Variants in CNPY2 observed in about 807,000 individuals in gnomAD.
The protein encoded by CNPY2 is protein canopy homolog 2.
CNPY2 carries 19 observed loss-of-function variants against 25.5 expected under a neutral mutation model. The observed-to-expected ratio is 0.74, with a 90% confidence interval of 0.52 to 1.09. The LOEUF is 1.09. Among genes scored for constraint, CNPY2 ranks in the 50% least tolerant of loss-of-function variants. The pLI is 0.00. For synonymous variants in CNPY2, 82 were observed against 85.0 expected (o/e 0.96, Z 0.19); for missense variants, 214 against 233.6 (o/e 0.92, Z 0.55).
At chr12:56,311,697 A>G (rs1592420846) in intron 3 of CNPY2, 1 of 395,416 alleles carries the variant, frequency 2.5e-6, no homozygotes, top group Non-Finnish European at 4.8e-6. Context: ...GACTACAGGC[A>G]TGCACCACCA....
At chr12:56,314,781 C>T (rs1403192463) in intron 3 of CNPY2, 70 bp downstream of exon 3, 1 of 1,611,948 alleles carries the variant, frequency 6.2e-7, no homozygotes, top group Admixed American at 1.7e-5. Flanking sequence ...AACCAAGGTC[C>T]TTTTTAAGCA....
In CNPY2 at chr12:56,310,972, CAA is replaced by C. The variant is rs751424451; in HGVS notation, c.489_490del (p.Cys164GlnfsTer2). ...GGGCAGCTTACCTGTTCGCTTACTG[CAA>C]AGTTTGTCTTTAACATTGTCAGCCT... On this transcript the variant is annotated frameshift_variant, in exon 5 of 6. Transcript: ENST00000273308. LOFTEE classifies it high-confidence loss of function. 1 of 1,614,090 alleles carries C rather than the reference CAA, an allele frequency of 6.2e-7. No individual in the cohort carries two copies. The highest frequency in any genetic ancestry group is 1.1e-5 in the South Asian group (1 of 91,074).
Position 56,311,045 on chromosome 12 carries a change from T to C in CNPY2, c.418A>G (p.Ile140Val). The change falls in exon 5 of 6, where the codon ATT becomes GTT. Residue 140 changes from isoleucine to valine, a missense_variant. Transcript: ENST00000273308. The part of the protein sequence containing the change: ...SGTLKFACES[I>V]VEEYEDELIE... ...AGTTCATCCTCGTATTCCTCCACAA[T>C]GCTCTCACACTGCCAACCCAAGGGA... The C allele has an allele frequency of 6.2e-7, 1 of 1,614,126 alleles. No homozygotes were observed. Among genetic ancestry groups the C allele is most frequent in the Non-Finnish European group, 8.5e-7 (1 of 1,180,010 alleles).
rs1371909467 is a variant in CNPY2 at position 56,315,385 on chromosome 12, G to A, written c.-25-143C>T. 13 of 617,188 alleles carry A rather than the reference G, an allele frequency of 2.1e-5. No individual in the cohort carries two copies. The Admixed American group carries it at 3.2e-4, about 15-fold the overall frequency. 38.2% of individuals were successfully genotyped at this position (617,188 alleles called of 1,614,324 possible). A position where few individuals can be genotyped will look rare whatever the true frequency, so the allele number is the denominator to read the frequency against. ...CAGGAAATGGCCGGGACACAAAGGG[G>A]CTTCTCTGTTCCAGCGCTTGAGGGC... On this transcript the variant is annotated intron_variant, in intron 1 of 5. Transcript: ENST00000273308.
chr12:56,315,139 G>A lies in CNPY2; in HGVS notation c.79C>T (p.His27Tyr). ...CCCGTTGTGCCTTTACCTCCACAGT[G>A]GAGATCCTGGCTCCTCCGAGCCCAG... ...TAWARRSQDLHCGACRALVDE... is the reference protein window; with the variant it reads ...TAWARRSQDLYCGACRALVDE... Residue 27 changes from histidine (H) to tyrosine (Y), a missense_variant, in exon 2 of 6, where the codon CAC becomes TAC. Physicochemically the swap from His to Tyr is moderately conservative, Grantham distance 83. Transcript: ENST00000273308. 1.2e-6 allele frequency: 2 copies of A among 1,614,066 alleles called. No individual in the cohort carries two copies. The highest frequency in any genetic ancestry group is 1.7e-6 in the Non-Finnish European group (2 of 1,179,936).
At chr12:56,311,437 G>GTCA in intron 3 of CNPY2, 23 bp from the exon 4 acceptor site, 1 of 1,610,782 alleles carries the variant, frequency 6.2e-7, no homozygotes, top group Non-Finnish European at 8.5e-7. Flanking sequence ...TCAGCCTTGG[G>GTCA]TCACTCTCTT....
intron 3 of CNPY2, chr12:56,314,601 T>C: frequency 7.3e-7 from 1 of 1,361,956 alleles, no homozygotes; most frequent in Non-Finnish European, 9.5e-7. Flanking sequence ...CATGTGGATG[T>C]GGAGAAGGGT....
rs764996007 is a variant in CNPY2, at chr12:56,314,948, T to G, written c.107A>C (p.Asp36Ala). 3.1e-6 allele frequency: 5 copies of G among 1,613,944 alleles called. No homozygotes were observed. Among genetic ancestry groups the G allele is most frequent in the Non-Finnish European group, 4.2e-6 (5 of 1,180,024 alleles). The change falls in exon 3 of 6, where the codon GAT becomes GCT. Residue 36 changes from aspartate to alanine, a missense_variant. Coordinates refer to ENST00000273308, the MANE Select transcript of CNPY2 (RefSeq NM_014255.7). ...CTGGGCAATTTCCCATTCTAGTTCA[T>G]CCACCAGAGCCCTGCATGCTGGTGG... Reference protein sequence around the residue: ...LHCGACRALVDELEWEIAQVD... With the variant: ...LHCGACRALVAELEWEIAQVD...
rs1339714439 is a variant in CNPY2, at chr12:56,310,187, T to C, written c.*365A>G. ...CCCTGCTTCCTCATGGAGGTTCCTCTATTCTCCACAATTAGACTCTAAAGA... is the reference window on the plus strand; with the variant it reads ...CCCTGCTTCCTCATGGAGGTTCCTCCATTCTCCACAATTAGACTCTAAAGA... On this transcript the variant is annotated 3_prime_UTR_variant, in exon 6 of 6. Transcript: ENST00000273308. 1.7e-6 allele frequency: 1 copy of C among 605,500 alleles called. No individual in the cohort carries two copies. Among genetic ancestry groups the C allele is most frequent in the African/African-American group, 1.9e-5 (1 of 53,972 alleles). 37.5% of individuals were successfully genotyped at this position (605,500 alleles called of 1,614,324 possible).
chr12:56,310,393 G>A lies in CNPY2; in HGVS notation c.*159C>T, dbSNP rs565079201. On this transcript the variant is annotated 3_prime_UTR_variant, in exon 6 of 6. Transcript: ENST00000273308. ...ATAACTCCTTATCTTCAAGCTTAAT[G>A]TAAGGGCAATTCCAGGCATGAAAAG... 2 of 699,068 alleles carry A rather than the reference G, an allele frequency of 2.9e-6. No individual in the cohort carries two copies. The highest frequency in any genetic ancestry group is 3.6e-5 in the African/African-American group (2 of 56,144). The allele number at this position is 699,068 out of a possible 1,614,324, so 43.3% of individuals were successfully genotyped here.
In CNPY2 at chr12:56,310,478, T is replaced by C. The variant is rs1873684016; in HGVS notation, c.*74A>G. Reference sequence around the variant, plus strand: ...TCAGTTAATTTCAGTAAAAACATAATATATAAAAGGCATTGCCACCATTTT... The same window carrying C: ...TCAGTTAATTTCAGTAAAAACATAACATATAAAAGGCATTGCCACCATTTT... On this transcript the variant is annotated 3_prime_UTR_variant, in exon 6 of 6. Transcript: ENST00000273308. The C allele has an allele frequency of 5.7e-6, 8 of 1,411,502 alleles. No individual in the cohort carries two copies. The highest frequency in any genetic ancestry group is 1.8e-4 in the Middle Eastern group (1 of 5,698). 87.4% of individuals were successfully genotyped at this position (1,411,502 alleles called of 1,614,324 possible). A position where few individuals can be genotyped will look rare whatever the true frequency, so the allele number is the denominator to read the frequency against.
Position 56,315,247 on chromosome 12 carries a change from G to A in CNPY2, c.-25-5C>T, listed in dbSNP as rs1406257988. The stretch of plus-strand genomic sequence containing the variant: ...AGCGTAATGGGGTCGCTCCACCTGG[G>A]TTTGAGTGGGAATAAAACATAAGTG... On this transcript the variant is annotated splice_region_variant and splice_polypyrimidine_tract_variant and intron_variant, in intron 1 of 5. Coordinates refer to ENST00000273308, the MANE Select transcript of CNPY2 (RefSeq NM_014255.7). 2 of 1,556,384 alleles carry A rather than the reference G, an allele frequency of 1.3e-6. No homozygotes were observed. The highest frequency in any genetic ancestry group is 1.8e-6 in the Non-Finnish European group (2 of 1,129,790).
chr12:56,315,368 G>T, intron 1 of CNPY2, 126 bp from the exon 2 acceptor site: 1 of 623,690 alleles, frequency 1.6e-6, no homozygotes, highest in Non-Finnish European at 2.8e-6. Context: ...TCCAGGAAAT[G>T]GCCGGGACAC....
intron 4 of CNPY2, 59 bp downstream of exon 4, chr12:56,311,152 A>G (rs925988315): frequency 1.8e-5 from 29 of 1,606,028 alleles, no homozygotes; most frequent in Non-Finnish European, 2.5e-5. Flanking sequence ...TAACTTTCTA[A>G]TTGGTTCTCC....
In CNPY2 at chr12:56,310,489, C is replaced by T. The variant is rs565810441; in HGVS notation, c.*63G>A. 5.7e-4 allele frequency: 850 copies of T among 1,480,830 alleles called. No homozygotes were observed. Among genetic ancestry groups the T allele is most frequent in the Non-Finnish European group, 7.5e-4 (793 of 1,058,866 alleles). The allele number at this position is 1,480,830 out of a possible 1,614,324, so 91.7% of individuals were successfully genotyped here. A position where few individuals can be genotyped will look rare whatever the true frequency, so the allele number is the denominator to read the frequency against. On this transcript the variant is annotated 3_prime_UTR_variant, in exon 6 of 6. Coordinates refer to ENST00000273308, the MANE Select transcript of CNPY2 (RefSeq NM_014255.7). ...CAGTAAAAACATAATATATAAAAGG[C>T]ATTGCCACCATTTTCCCCTCCTGGG...
In CNPY2 at chr12:56,311,033, A is replaced by T. The variant is rs776200395; in HGVS notation, c.430T>A (p.Tyr144Asn). Residue 144 changes from tyrosine to asparagine, a missense_variant, in exon 5 of 6, where the codon TAC becomes AAC. Transcript: ENST00000273308. ...KFACESIVEEYEDELIEFFSR... is the reference protein window; with the variant it reads ...KFACESIVEENEDELIEFFSR... Reference sequence around the variant, plus strand: ...AAGAATTCAATGAGTTCATCCTCGTATTCCTCCACAATGCTCTCACACTGC... The same window carrying T: ...AAGAATTCAATGAGTTCATCCTCGTTTTCCTCCACAATGCTCTCACACTGC... 1.2e-6 allele frequency: 2 copies of T among 1,614,160 alleles called. No homozygotes were observed. Among genetic ancestry groups the T allele is most frequent in the South Asian group, 2.2e-5 (2 of 91,082 alleles).
chr12:56,314,818 A>C, intron 3 of CNPY2, 33 bp downstream of exon 3: 1 of 1,614,214 alleles, frequency 6.2e-7, no homozygotes, highest in South Asian at 1.1e-5. Flanking sequence ...AGCCAGAGTG[A>C]GCTACTTTGT....
In CNPY2 at chr12:56,315,130, C is replaced by A; in HGVS notation, c.88G>T (p.Ala30Ser). 1 of 1,613,864 alleles carries A rather than the reference C, an allele frequency of 6.2e-7. No individual in the cohort carries two copies. ...ARRSQDLHCG[A>S]CRALVDELEW... ...CTTCTTTTTCCCGTTGTGCCTTTAC[C>A]TCCACAGTGGAGATCCTGGCTCCTC... The change falls in exon 2 of 6, where the codon GCA (alanine) becomes TCA (serine). Residue 30 changes from alanine to serine, a missense_variant and splice_region_variant. Physicochemically the swap from Ala to Ser is moderately conservative, Grantham distance 99. Coordinates refer to ENST00000273308, the MANE Select transcript of CNPY2 (RefSeq NM_014255.7).
In CNPY2 at chr12:56,310,999, T is replaced by C. The variant is rs1347278521; in HGVS notation, c.464A>G (p.Glu155Gly). The C allele has an allele frequency of 1.2e-6, 2 of 1,614,180 alleles. No homozygotes were observed. The highest frequency in any genetic ancestry group is 1.1e-5 in the South Asian group (1 of 91,084). The change falls in exon 5 of 6, where the codon GAG (glutamate) becomes GGG (glycine). Residue 155 changes from glutamate (E) to glycine (G), a missense_variant. Physicochemically the swap from Glu to Gly is moderately conservative, Grantham distance 98. Transcript: ENST00000273308. ...EDELIEFFSR[E>G]ADNVKDKLCS... The stretch of plus-strand genomic sequence containing the variant: ...AAGTTTGTCTTTAACATTGTCAGCC[T>C]CTCGGGAAAAGAATTCAATGAGTTC...
Sources: gnomAD v4.1 joint callset for allele counts on GRCh38, gnomAD v4.1.1 for gene constraint, MANE v1.5 for transcripts, NCBI Gene and HGNC (gene_info 2026-07-23, HGNC 2026-07-21) for gene names.